Variants in TNFRSF11A observed in about 807,000 individuals in gnomAD.
The protein encoded by TNFRSF11A is TNF receptor superfamily member 11a, also known as tumor necrosis factor receptor superfamily member 11A.
TNFRSF11A carries 32 observed loss-of-function variants against 55.7 expected under a neutral mutation model. That is an observed-to-expected ratio of 0.57 (90% CI 0.43 to 0.77). The LOEUF is 0.77. TNFRSF11A is among the 30% of genes least tolerant of loss of function. TNFRSF11A has a pLI of 0.00. For synonymous variants in TNFRSF11A, 311 were observed against 331.0 expected (o/e 0.94, Z 0.65); for missense variants, 753 against 809.8 (o/e 0.93, Z 0.85).
At chr18:62,379,806 G>C (rs1418824072) in intron 9 of TNFRSF11A, among the ~76,000 whole-genome samples, 1 of 152,174 alleles carries the variant, frequency 6.6e-6, no homozygotes, top group Non-Finnish European at 1.5e-5. Flanking sequence ...TTGAACATGA[G>C]GGAAACATAT....
intron 3 of TNFRSF11A, among the ~76,000 whole-genome samples, chr18:62,352,813 C>T (rs2046493041): frequency 6.6e-6 from 1 of 152,112 alleles, no homozygotes. Flanking sequence ...GGTCACCAAG[C>T]TTGGGTCTAT....
chr18:62,368,844 G>C lies in TNFRSF11A; in HGVS notation c.927G>C (p.Gln309His). 1 of 1,614,114 alleles carries C rather than the reference G, an allele frequency of 6.2e-7. No homozygotes were observed. The highest frequency in any genetic ancestry group is 2.2e-5 in the East Asian group (1 of 44,890). ...ACCCAGATCAAGGTGGTGTCTGTCA[G>C]GGCACATGTGTAGGAGGTGGTCCCT... is the stretch of plus-strand genomic sequence containing the variant. Reference protein sequence around the residue: ...MCYPDQGGVCQGTCVGGGPYA... With the variant: ...MCYPDQGGVCHGTCVGGGPYA... The change falls in exon 9 of 10, where the codon CAG becomes CAC. Residue 309 changes from glutamine (Q) to histidine (H), a missense_variant. Physicochemically the swap from Gln to His is conservative, Grantham distance 24. This residue lies in a region of TNFRSF11A where 567 missense variants were observed against 596.7 expected (regional missense o/e 0.95). Coordinates refer to ENST00000586569, the MANE Select transcript of TNFRSF11A (RefSeq NM_003839.4).
chr18:62,368,658 C>G (rs1910274407), intron 8 of TNFRSF11A, 43 bp from the exon 9 acceptor site: 1 of 1,603,642 alleles, frequency 6.2e-7, no homozygotes, highest in Non-Finnish European at 8.5e-7. Flanking sequence ...GTCCTAATAA[C>G]TCTAGGTATT....
rs147599341 is a variant in TNFRSF11A at position 62,352,353 on chromosome 18, A to G, written c.284-2038A>G. 2.4e-3 allele frequency among the ~76,000 whole-genome samples: 365 copies of G among 152,350 alleles called. 2 individuals carry two copies. The highest frequency in any genetic ancestry group is 8.2e-3 in the African/African-American group (342 of 41,580). ...TAGAAGTTTTTTCCCCAATGGACAG[A>G]ATTAGAGAATAAGTGTTTCTTTTAA... On this transcript the variant is annotated intron_variant, in intron 3 of 9. Transcript: ENST00000586569.
rs116467191 is a variant in TNFRSF11A, at chr18:62,379,448, G to A, written c.1568-5303G>A. On this transcript the variant is annotated intron_variant, in intron 9 of 9. Coordinates refer to ENST00000586569, the MANE Select transcript of TNFRSF11A (RefSeq NM_003839.4). The stretch of plus-strand genomic sequence containing the variant: ...TGTCATTCAAAACATTAACTATTAC[G>A]TTAACTGGCAAGAAAAAATGAGTTT... Among the ~76,000 whole-genome samples, 1,051 of 152,240 alleles carry A rather than the reference G, an allele frequency of 6.9e-3. 15 individuals are homozygous for A. The highest frequency in any genetic ancestry group is 0.024 in the African/African-American group (992 of 41,528).
rs1330948663 is a variant in TNFRSF11A at position 62,385,186 on chromosome 18, TG to T, written c.*155del. 3.2e-6 allele frequency: 3 copies of T among 933,854 alleles called. No homozygotes were observed. The African/African-American group carries it at 5.3e-5, about 16-fold the overall frequency. The allele number at this position is 933,854 out of a possible 1,614,324, so 57.8% of individuals were successfully genotyped here. On this transcript the variant is annotated 3_prime_UTR_variant, in exon 10 of 10. Coordinates refer to ENST00000586569, the MANE Select transcript of TNFRSF11A (RefSeq NM_003839.4). ...TCTGCCCACTTTGCCTTCCAGGAAA[TG>T]GGCTTTTCAGGAAGTGAATTGATGA...
At chr18:62,360,162 A>C in intron 6 of TNFRSF11A, 113 bp downstream of exon 6, 1 of 751,370 alleles carries the variant, frequency 1.3e-6, no homozygotes, top group Non-Finnish European at 2.4e-6. Context: ...CCTTTATTTC[A>C]TCCCGTGCAT....
At position 62,384,661 on chromosome 18, in the gene TNFRSF11A, G is replaced by A. The variant is rs554932122; in HGVS notation, c.1568-90G>A. The A allele has an allele frequency of 8.7e-6, 13 of 1,500,878 alleles. No homozygotes were observed. The East Asian group carries it at 1.9e-4, about 22-fold the overall frequency. 93.0% of individuals were successfully genotyped at this position (1,500,878 alleles called of 1,614,324 possible). A position where few individuals can be genotyped will look rare whatever the true frequency, so the allele number is the denominator to read the frequency against. ...CCGGGCTGTGGGAATCCGGGGAGCC[G>A]CCCTCCACTCCCCGGAACCTTCCTC... On this transcript the variant is annotated intron_variant, in intron 9 of 9. Transcript: ENST00000586569.
chr18:62,377,755 G>A (rs1441955992), intron 9 of TNFRSF11A, among the ~76,000 whole-genome samples: 1 of 152,134 alleles, frequency 6.6e-6, no homozygotes. Context: ...TCTTATTGTT[G>A]AGTTTTAAGA....
At chr18:62,340,063 A>G (rs2046289780) in intron 1 of TNFRSF11A, among the ~76,000 whole-genome samples, 1 of 151,956 alleles carries the variant, frequency 6.6e-6, no homozygotes, top group Non-Finnish European at 1.5e-5. Flanking sequence ...CTGGCATGGG[A>G]AGATGGCATG....
chr18:62,336,975 C>T (rs1032706452), intron 1 of TNFRSF11A, among the ~76,000 whole-genome samples: 1 of 152,090 alleles, frequency 6.6e-6, no homozygotes, highest in Non-Finnish European at 1.5e-5. Flanking sequence ...CAGTGCTGTG[C>T]GCTTTCTTTC....
chr18:62,354,343 G>A, intron 3 of TNFRSF11A, 48 bp from the exon 4 acceptor site: 6 of 1,513,164 alleles, frequency 4.0e-6, no homozygotes, highest in Non-Finnish European at 5.3e-6. Flanking sequence ...GGTGTGTTTG[G>A]GCTGCCTGCC....
chr18:62,332,023 G>A (rs929006662), intron 1 of TNFRSF11A, among the ~76,000 whole-genome samples: 1 of 152,182 alleles, frequency 6.6e-6, no homozygotes, highest in East Asian at 1.9e-4. Context: ...CCTGTTGAGA[G>A]TGTTGAGAGT....
intron 2 of TNFRSF11A, 48 bp from the exon 3 acceptor site, chr18:62,349,764 T>A: frequency 6.2e-7 from 1 of 1,610,848 alleles, no homozygotes; most frequent in Non-Finnish European, 8.5e-7. Context: ...TGTTGCTGTT[T>A]TTGTTTGGTT....
rs535153508 is a variant in TNFRSF11A, at chr18:62,366,888, C to T, written c.783+128C>T. 4.0e-6 allele frequency: 4 copies of T among 989,244 alleles called. No individual in the cohort carries two copies. In the South Asian group the frequency reaches 5.3e-5, roughly 13 times the overall value. 61.3% of individuals were successfully genotyped at this position (989,244 alleles called of 1,614,324 possible). The stretch of plus-strand genomic sequence containing the variant: ...TTTTGAGACGGAGTCTCGCTCTGTG[C>T]CTCAGGCTGGAGTGCAGGGGTGCAA... On this transcript the variant is annotated intron_variant, in intron 8 of 9. Transcript: ENST00000586569.
intron 9 of TNFRSF11A, among the ~76,000 whole-genome samples, chr18:62,379,649 G>A (rs902913781): frequency 6.6e-6 from 1 of 152,082 alleles, no homozygotes; most frequent in Admixed American, 6.6e-5. Flanking sequence ...AGTGACTTTT[G>A]GTTCTCTTTC....
At chr18:62,350,984 TA>T (rs1395281860) in intron 3 of TNFRSF11A, among the ~76,000 whole-genome samples, 1 of 151,012 alleles carries the variant, frequency 6.6e-6, no homozygotes, top group African/African-American at 2.4e-5. Flanking sequence ...TTCTGTCCCT[TA>T]TATTTCTTTT....
chr18:62,339,918 A>G (rs1242717146), intron 1 of TNFRSF11A, among the ~76,000 whole-genome samples: 1 of 152,140 alleles, frequency 6.6e-6, no homozygotes, highest in Non-Finnish European at 1.5e-5. Flanking sequence ...CAGTGAGACC[A>G]GTAGAAGCTG....
chr18:62,353,790 A>G (rs559189554), intron 3 of TNFRSF11A, among the ~76,000 whole-genome samples: 3 of 152,196 alleles, frequency 2.0e-5, no homozygotes, highest in Non-Finnish European at 4.4e-5. Flanking sequence ...AGGGGCCAGG[A>G]GATTTGGAAC....
Sources: gnomAD v4.1 joint callset for allele counts (sites outside exome capture counted in the v4.1 genomes callset) on GRCh38, gnomAD v4.1.1 for gene constraint, gnomAD v4.1.1 regional missense constraint, MANE v1.5 for transcripts, NCBI Gene and HGNC (gene_info 2026-07-23, HGNC 2026-07-21) for gene names.